The following SH3KBP1 variants were observed in gnomAD, a reference collection of about 807,000 sequenced individuals.
SH3KBP1 encodes the protein SH3 domain containing kinase binding protein 1.
A neutral mutation model predicts 50.1 loss-of-function variants in SH3KBP1; 8 were observed. The observed-to-expected ratio is 0.16, with a 90% CI of 0.09 to 0.29. The LOEUF (loss-of-function observed/expected upper bound fraction) is 0.29. Among genes scored for constraint, SH3KBP1 ranks in the 10% least tolerant of loss-of-function variants. SH3KBP1 has a pLI of 1.00. For synonymous variants in SH3KBP1, 227 were observed against 218.6 expected, an observed-to-expected ratio of 1.04 and a Z score of -0.34; for missense variants, 377 against 535.2, an observed-to-expected ratio of 0.70 and a Z score of 2.92.
intron 1 of SH3KBP1, among the ~76,000 whole-genome samples, chrX:19,886,659 T>C (rs778291858): frequency 2.2e-4 from 24 of 110,799 alleles, no homozygotes; most frequent in Non-Finnish European, 4.2e-4. Context: ...CCTTTTAGCA[T>C]CACGGAGCAG....
intron 1 of SH3KBP1, among the ~76,000 whole-genome samples, chrX:19,846,730 G>A (rs1465599414): frequency 9.0e-6 from 1 of 111,313 alleles, no homozygotes; most frequent in East Asian, 2.8e-4. Context: ...AGAAAACATC[G>A]CTCCCCACCC....
intron 2 of SH3KBP1, among the ~76,000 whole-genome samples, chrX:19,760,041 C>CCTCTCCCTCTCTCTCTCTCTCT (rs1556346157): frequency 5.9e-5 from 3 of 50,451 alleles, no homozygotes; most frequent in African/African-American, 2.8e-4. Flanking sequence ...TCTCTCTCTC[C>CCTCTCCCTCTCTCTCTCTCTCT]CTCTCTCTCT....
chrX:19,773,911 G>A (rs1404270495), intron 2 of SH3KBP1, among the ~76,000 whole-genome samples: 1 of 101,460 alleles, frequency 9.9e-6, no homozygotes, highest in Non-Finnish European at 2.0e-5. Flanking sequence ...CTGGACTGGT[G>A]TCTCCTTCCC....
At chrX:19,580,694 G>A (rs935657347) in intron 12 of SH3KBP1, among the ~76,000 whole-genome samples, 21 of 111,363 alleles carry the variant, frequency 1.9e-4, no homozygotes, top group African/African-American at 6.9e-4. Context: ...TCGGATGCAC[G>A]CCCAGGTGTG....
Position 19,760,029 on chromosome X carries a change from T to TCTC in SH3KBP1, c.163-13591_163-13589dup, listed in dbSNP as rs2065342536. 5.8e-5 allele frequency among the ~76,000 whole-genome samples: 4 copies of TCTC among 68,543 alleles called. 1 individual carries two copies. Among genetic ancestry groups the TCTC allele is most frequent in the African/African-American group, 2.2e-4 (3 of 13,818 alleles). 59.5% of individuals were successfully genotyped at this position (68,543 alleles called of 115,157 possible). On this transcript the variant is annotated intron_variant, in intron 2 of 17. Transcript: ENST00000397821. ...TCTCGGTCTCTCTCTCTCTCCTCTC[T>TCTC]CTCTCTCTCTCCCTCTCTCTCTCTC...
Position 19,873,765 on chromosome X carries a change from A to G in SH3KBP1, c.4+13542T>C, listed in dbSNP as rs1319714543. On this transcript the variant is annotated intron_variant, in intron 1 of 17. Coordinates refer to ENST00000397821, the MANE Select transcript of SH3KBP1 (RefSeq NM_031892.3). ...GAGGAGTTCATAAGAAAAAAGAAAT[A>G]GTGCCAGGCACAGTGGCTCACACCT... Among the ~76,000 whole-genome samples the G allele has an allele frequency of 5.7e-5, 6 of 105,307 alleles. No homozygotes were observed. In the East Asian group the frequency reaches 1.5e-3, roughly 27 times the overall value. 91.4% of individuals were successfully genotyped at this position (105,307 alleles called of 115,157 possible).
At chrX:19,735,381 TAAAGTAG>T (rs1313031038) in intron 3 of SH3KBP1, among the ~76,000 whole-genome samples, 2 of 110,294 alleles carry the variant, frequency 1.8e-5, no homozygotes, top group African/African-American at 3.3e-5. Context: ...TCTAGTTTCT[TAAAGTAG>T]AAAGTAGAAA....
chrX:19,588,274 C>A, intron 12 of SH3KBP1: 1 of 976,478 alleles, frequency 1.0e-6, no homozygotes, highest in Non-Finnish European at 1.3e-6. Flanking sequence ...ATACTTGAGG[C>A]CGGCACAACA....
At chrX:19,823,158 T>C (rs1435037340) in intron 2 of SH3KBP1, among the ~76,000 whole-genome samples, 1 of 111,202 alleles carries the variant, frequency 9.0e-6, no homozygotes, top group Non-Finnish European at 1.9e-5. Flanking sequence ...GGGATGGAAG[T>C]CCAGAATCCC....
chrX:19,627,372 G>A (rs2068053901), intron 8 of SH3KBP1, among the ~76,000 whole-genome samples: 2 of 112,451 alleles, frequency 1.8e-5, no homozygotes, highest in Non-Finnish European at 1.9e-5. Context: ...TCTCCAGGAA[G>A]CTTCTCCAGT....
intron 2 of SH3KBP1, among the ~76,000 whole-genome samples, chrX:19,758,631 C>T (rs2065289039): frequency 9.0e-6 from 1 of 111,569 alleles, no homozygotes; most frequent in South Asian, 3.7e-4. Context: ...CTACATCATA[C>T]CTAGTCCATG....
At chrX:19,690,989 A>C (rs1442991305) in intron 5 of SH3KBP1, among the ~76,000 whole-genome samples, 1 of 111,993 alleles carries the variant, frequency 8.9e-6, no homozygotes, top group Non-Finnish European at 1.9e-5. Context: ...AACAATATCT[A>C]AATTCCTTTC....
At chrX:19,610,118 A>C (rs1157813989) in intron 8 of SH3KBP1, among the ~76,000 whole-genome samples, 1 of 111,917 alleles carries the variant, frequency 8.9e-6, no homozygotes, top group African/African-American at 3.2e-5. Context: ...AAAAAACCAA[A>C]GACCCTTGAA....
intron 3 of SH3KBP1, among the ~76,000 whole-genome samples, chrX:19,712,282 T>C (rs751275183): frequency 1.5e-3 from 164 of 112,085 alleles, no homozygotes; most frequent in Non-Finnish European, 1.5e-3. Flanking sequence ...TAAGGGATAA[T>C]TTCAAAAGGA....
At chrX:19,886,771 C>A (rs1427367487) in intron 1 of SH3KBP1, among the ~76,000 whole-genome samples, 1 of 109,812 alleles carries the variant, frequency 9.1e-6, no homozygotes, top group Non-Finnish European at 1.9e-5. Flanking sequence ...CCCGGGACTG[C>A]GAGCCAGACC....
At chrX:19,785,378 A>C (rs542543301) in intron 2 of SH3KBP1, among the ~76,000 whole-genome samples, 1 of 108,434 alleles carries the variant, frequency 9.2e-6, no homozygotes, top group South Asian at 4.0e-4. Flanking sequence ...AAAAAAAAAA[A>C]TTAGCTAGGC....
chrX:19,556,366 G>GAA (rs1385686760), intron 13 of SH3KBP1, among the ~76,000 whole-genome samples: 4 of 108,963 alleles, frequency 3.7e-5, no homozygotes, highest in African/African-American at 1.3e-4. Context: ...CCGCATTGCA[G>GAA]AAACACCATG....
intron 2 of SH3KBP1, among the ~76,000 whole-genome samples, chrX:19,792,643 G>A (rs1027504709): frequency 6.4e-5 from 7 of 110,081 alleles, no homozygotes; most frequent in African/African-American, 2.0e-4. Context: ...TTTCAAGGTC[G>A]TCTTTCCCTC....
intron 1 of SH3KBP1, among the ~76,000 whole-genome samples, chrX:19,884,185 G>A (rs747336056): frequency 1.4e-4 from 16 of 112,244 alleles, no homozygotes; most frequent in East Asian, 5.6e-4. Context: ...TCTTTCATGC[G>A]CTCTACTATG....
Sources: gnomAD v4.1 joint callset for allele counts (sites outside exome capture counted in the v4.1 genomes callset) on GRCh38, gnomAD v4.1.1 for gene constraint, MANE v1.5 for transcripts, NCBI Gene and HGNC (gene_info 2026-07-23, HGNC 2026-07-21) for gene names.